The following BRIP1 variants were observed in gnomAD, a reference collection of about 807,000 sequenced individuals.
BRIP1 encodes Fanconi anemia group J protein.
A neutral mutation model predicts 119.7 loss-of-function variants in BRIP1; 88 were observed. The observed-to-expected ratio is 0.74, with a 90% CI of 0.62 to 0.88. The LOEUF is 0.88. Ranked by LOEUF, BRIP1 falls within the 40% of genes least tolerant of loss-of-function variation. The pLI, the probability that BRIP1 is intolerant of heterozygous loss-of-function variation, is 0.00. For synonymous variants in BRIP1, 443 were observed against 496.5 expected (o/e 0.89, Z 1.43); for missense variants, 1,259 against 1,455.4 (o/e 0.87, Z 2.20).
chr17:61,808,857 T>G lies in BRIP1; in HGVS notation c.628-100A>C. 8.3e-7 allele frequency: 1 copy of G among 1,201,084 alleles called. No homozygotes were observed. Among genetic ancestry groups the G allele is most frequent in the South Asian group, 1.3e-5 (1 of 76,038 alleles). The allele number at this position is 1,201,084 out of a possible 1,614,324, so 74.4% of individuals were successfully genotyped here. On this transcript the variant is annotated intron_variant, in intron 6 of 19. Transcript: ENST00000259008. The surrounding 1 kb of genome is among the most constrained non-coding windows in gnomAD (Gnocchi z 4.1). The stretch of plus-strand genomic sequence containing the variant: ...AGAACCTGTAAGTAATGAATCACAA[T>G]GGTCAAATAAAGAGAAATAACAAGA...
intron 3 of BRIP1, among the ~76,000 whole-genome samples, chr17:61,859,279 T>C (rs1381557431): frequency 6.6e-6 from 1 of 152,180 alleles, no homozygotes; most frequent in Admixed American, 6.5e-5. Context: ...TACAGCATCA[T>C]GACAGCCCAT....
rs2061273258 is a variant in BRIP1 at position 61,681,725 on chromosome 17, G to A, written c.*1571C>T. 1.0e-5 allele frequency: 2 copies of A among 197,696 alleles called. No individual in the cohort carries two copies. The highest frequency in any genetic ancestry group is 3.9e-4 in the South Asian group (2 of 5,192). The allele number at this position is 197,696 out of a possible 1,614,324, so 12.2% of individuals were successfully genotyped here. ...TTCTAAATTCTTTAACTGGTAACTTGTCAATTTAAATGTCTTTGAACTACG... is the reference window on the plus strand; with the variant it reads ...TTCTAAATTCTTTAACTGGTAACTTATCAATTTAAATGTCTTTGAACTACG... On this transcript the variant is annotated 3_prime_UTR_variant, in exon 20 of 20. Transcript: ENST00000259008. The surrounding 1 kb of genome is among the most constrained non-coding windows in gnomAD (Gnocchi z 5.1).
At position 61,748,875 on chromosome 17, in the gene BRIP1, T is replaced by C. The variant is rs572893576; in HGVS notation, c.2098-4284A>G. On this transcript the variant is annotated intron_variant, in intron 14 of 19. Transcript: ENST00000259008. The surrounding 1 kb of genome is among the most constrained non-coding windows in gnomAD (Gnocchi z 4.7). ...ACTGTTGGCTGGGCGCAGTGGCTCA[T>C]GCCTGTAATCCCAGCACTTTGGGAG... Among the ~76,000 whole-genome samples, 29 of 152,328 alleles carry C rather than the reference T, an allele frequency of 1.9e-4. No homozygotes were observed. The highest frequency in any genetic ancestry group is 9.1e-4 in the Admixed American group (14 of 15,304).
rs1215027607 is a variant in BRIP1 at position 61,746,958 on chromosome 17, G to C, written c.2098-2367C>G. 6.6e-6 allele frequency among the ~76,000 whole-genome samples: 1 copy of C among 152,080 alleles called. No individual in the cohort carries two copies. Among genetic ancestry groups the C allele is most frequent in the African/African-American group, 2.4e-5 (1 of 41,424 alleles). On this transcript the variant is annotated intron_variant, in intron 14 of 19. Coordinates refer to ENST00000259008, the MANE Select transcript of BRIP1 (RefSeq NM_032043.3). The surrounding 1 kb of genome is among the most constrained non-coding windows in gnomAD (Gnocchi z 4.9). ...GGTAACAAAGCAAGTCTTAACAAAT[G>C]TAAGATAAAAATTAATACCAGGTAT...
rs2077040780 is a variant in BRIP1, at chr17:61,744,952, A to C, written c.2098-361T>G. Reference sequence around the variant, plus strand: ...TACTACTACTACTACTATCTTGGCAATTTCAAAAGCAAAAGCAAAAAACAA... The same window carrying C: ...TACTACTACTACTACTATCTTGGCACTTTCAAAAGCAAAAGCAAAAAACAA... On this transcript the variant is annotated intron_variant, in intron 14 of 19. Transcript: ENST00000259008. This position sits in a 1 kb window ranked among gnomAD's most constrained non-coding sequence, Gnocchi z 5.0. 6.6e-6 allele frequency among the ~76,000 whole-genome samples: 1 copy of C among 151,944 alleles called. No homozygotes were observed. Among genetic ancestry groups the C allele is most frequent in the African/African-American group, 2.4e-5 (1 of 41,386 alleles).
chr17:61,738,125 A>G lies in BRIP1; in HGVS notation c.2379+4888T>C, dbSNP rs2076942483. Among the ~76,000 whole-genome samples, 1 of 152,210 alleles carries G rather than the reference A, an allele frequency of 6.6e-6. No homozygotes were observed. The highest frequency in any genetic ancestry group is 2.1e-4 in the South Asian group (1 of 4,830). ...AGTTGACTTCAACACAGATCAGCCA[A>G]CTAGGGCAGAGTAGCTGAGCCCAGC... On this transcript the variant is annotated intron_variant, in intron 16 of 19. Coordinates refer to ENST00000259008, the MANE Select transcript of BRIP1 (RefSeq NM_032043.3). The surrounding 1 kb of genome is among the most constrained non-coding windows in gnomAD (Gnocchi z 4.2).
In BRIP1 at chr17:61,693,696, C is replaced by T. The variant is rs2061482957; in HGVS notation, c.2493-184G>A. On this transcript the variant is annotated intron_variant, in intron 17 of 19. Coordinates refer to ENST00000259008, the MANE Select transcript of BRIP1 (RefSeq NM_032043.3). The surrounding 1 kb of genome is among the most constrained non-coding windows in gnomAD (Gnocchi z 4.2). ...AACAAACTAGATGTATTAAAAATTC[C>T]CTACTTTTTCCAAATACAGATAACT... Among the ~76,000 whole-genome samples the T allele has an allele frequency of 6.6e-6, 1 of 151,982 alleles. No individual in the cohort carries two copies. Among genetic ancestry groups the T allele is most frequent in the African/African-American group, 2.4e-5 (1 of 41,398 alleles).
At position 61,815,709 on chromosome 17, in the gene BRIP1, C is replaced by A. The variant is rs1345461670; in HGVS notation, c.628-6952G>T. Among the ~76,000 whole-genome samples the A allele has an allele frequency of 6.6e-6, 1 of 152,114 alleles. No individual in the cohort carries two copies. The highest frequency in any genetic ancestry group is 1.5e-5 in the Non-Finnish European group (1 of 67,988). On this transcript the variant is annotated intron_variant, in intron 6 of 19. Coordinates refer to ENST00000259008, the MANE Select transcript of BRIP1 (RefSeq NM_032043.3). The surrounding 1 kb of genome is among the most constrained non-coding windows in gnomAD (Gnocchi z 4.1). ...GAAGTTGAAATTCATAACCTTAAAT[C>A]TTTAAAGTGAAGCTTTAACAGGATT...
rs1435932770 is a variant in BRIP1, at chr17:61,795,633, A to C, written c.1341-1904T>G. ...TACTCCATTGTGTATATGTAACCACATTTTCTTTATCCATTCATCTGTTGA... is the reference window on the plus strand; with the variant it reads ...TACTCCATTGTGTATATGTAACCACCTTTTCTTTATCCATTCATCTGTTGA... On this transcript the variant is annotated intron_variant, in intron 9 of 19. Transcript: ENST00000259008. This position sits in a 1 kb window ranked among gnomAD's most constrained non-coding sequence, Gnocchi z 5.6. Among the ~76,000 whole-genome samples, 1 of 152,072 alleles carries C rather than the reference A, an allele frequency of 6.6e-6. No individual in the cohort carries two copies. Among genetic ancestry groups the C allele is most frequent in the Non-Finnish European group, 1.5e-5 (1 of 67,988 alleles).
At chr17:61,858,333 G>T (rs1453678820) in intron 3 of BRIP1, among the ~76,000 whole-genome samples, 1 of 151,416 alleles carries the variant, frequency 6.6e-6, no homozygotes. Context: ...TAACGTCAGT[G>T]AGAATCAAAA....
Position 61,760,085 on chromosome 17 carries a change from A to G in BRIP1, c.2098-15494T>C, listed in dbSNP as rs2144836483. 6.6e-6 allele frequency among the ~76,000 whole-genome samples: 1 copy of G among 152,168 alleles called. No homozygotes were observed. Among genetic ancestry groups the G allele is most frequent in the South Asian group, 2.1e-4 (1 of 4,832 alleles). ...CAAATTTAAGTTTGTTATCATATCA[A>G]GTATCTTTGCTGGCCACAATGGTAT... On this transcript the variant is annotated intron_variant, in intron 14 of 19. Transcript: ENST00000259008. This position sits in a 1 kb window ranked among gnomAD's most constrained non-coding sequence, Gnocchi z 4.6.
In BRIP1 at chr17:61,793,873, C is replaced by A; in HGVS notation, c.1341-144G>T. 1 of 805,976 alleles carries A rather than the reference C, an allele frequency of 1.2e-6. No individual in the cohort carries two copies. The highest frequency in any genetic ancestry group is 2.8e-5 in the South Asian group (1 of 36,218). The allele number at this position is 805,976 out of a possible 1,614,324, so 49.9% of individuals were successfully genotyped here. A position where few individuals can be genotyped will look rare whatever the true frequency, so the allele number is the denominator to read the frequency against. On this transcript the variant is annotated intron_variant, in intron 9 of 19. Coordinates refer to ENST00000259008, the MANE Select transcript of BRIP1 (RefSeq NM_032043.3). The surrounding 1 kb of genome is among the most constrained non-coding windows in gnomAD (Gnocchi z 5.2). ...ACATGAATGTGGATTAATTAAGACA[C>A]CTTTTAAAAAGCATTCATGTCTCAT...
intron 17 of BRIP1, among the ~76,000 whole-genome samples, chr17:61,698,928 G>A (rs2061569575): frequency 6.6e-6 from 1 of 151,982 alleles, no homozygotes; most frequent in African/African-American, 2.4e-5. Context: ...TGTTACCTAG[G>A]CTAGTCTTGA....
At chr17:61,782,024 T>C (rs1466962042) in intron 11 of BRIP1, among the ~76,000 whole-genome samples, 3 of 151,848 alleles carry the variant, frequency 2.0e-5, no homozygotes, top group Non-Finnish European at 2.9e-5. Context: ...AAAATTAAAG[T>C]TGGGAACTTA....
In BRIP1 at chr17:61,824,144, T is replaced by C. The variant is rs377468529; in HGVS notation, c.628-15387A>G. ...ATAGAATTTTTAAAGCAGCCACAGATTACTCTATAGAAACTATGTAAGACA... is the reference window on the plus strand; with the variant it reads ...ATAGAATTTTTAAAGCAGCCACAGACTACTCTATAGAAACTATGTAAGACA... On this transcript the variant is annotated intron_variant, in intron 6 of 19. Coordinates refer to ENST00000259008, the MANE Select transcript of BRIP1 (RefSeq NM_032043.3). The surrounding 1 kb of genome is among the most constrained non-coding windows in gnomAD (Gnocchi z 4.3). Among the ~76,000 whole-genome samples, 58 of 152,246 alleles carry C rather than the reference T, an allele frequency of 3.8e-4. No homozygotes were observed. Among genetic ancestry groups the C allele is most frequent in the African/African-American group, 1.4e-3 (57 of 41,540 alleles).
Position 61,862,883 on chromosome 17 carries a change from A to G in BRIP1, c.-31+401T>C, listed in dbSNP as rs16945692. On this transcript the variant is annotated intron_variant, in intron 1 of 19. Transcript: ENST00000259008. This position sits in a 1 kb window ranked among gnomAD's most constrained non-coding sequence, Gnocchi z 5.3. ...TCTAACATTTTGCGATTCTATCTGTAAAGCTCTGAGAATGAGGTATGGTGG... is the reference window on the plus strand; with the variant it reads ...TCTAACATTTTGCGATTCTATCTGTGAAGCTCTGAGAATGAGGTATGGTGG... 0.18 allele frequency among the ~76,000 whole-genome samples: 26,680 copies of G among 152,106 alleles called. 2,711 individuals are homozygous for G. The highest frequency in any genetic ancestry group is 0.54 in the East Asian group (2,787 of 5,164).
rs1030612382 is a variant in BRIP1 at position 61,736,669 on chromosome 17, C to G, written c.2379+6344G>C. The stretch of plus-strand genomic sequence containing the variant: ...AAGTCAAATACAATTTTAACAACTT[C>G]TACTAAAACCCCATTCAATCATTAA... On this transcript the variant is annotated intron_variant, in intron 16 of 19. Transcript: ENST00000259008. This position sits in a 1 kb window ranked among gnomAD's most constrained non-coding sequence, Gnocchi z 4.4. Among the ~76,000 whole-genome samples the G allele has an allele frequency of 3.9e-5, 6 of 152,148 alleles. No homozygotes were observed. Among genetic ancestry groups the G allele is most frequent in the African/African-American group, 1.4e-4 (6 of 41,430 alleles).
At chr17:61,714,940 C>A (rs1345692387) in intron 17 of BRIP1, among the ~76,000 whole-genome samples, 2 of 151,544 alleles carry the variant, frequency 1.3e-5, no homozygotes, top group African/African-American at 2.4e-5. Context: ...TAGCTCACAT[C>A]TGTAATCCCA....
chr17:61,723,389 C>T (rs2062014448), intron 16 of BRIP1, among the ~76,000 whole-genome samples: 2 of 152,178 alleles, frequency 1.3e-5, no homozygotes, highest in Admixed American at 6.5e-5. Flanking sequence ...TCAATGTGCA[C>T]CACCAGCAAA....
Sources: allele counts gnomAD v4.1 joint callset (sites outside exome capture counted in the v4.1 genomes callset), GRCh38; gene constraint gnomAD v4.1.1; non-coding constraint Gnocchi (gnomAD v3.1); transcripts MANE v1.5; gene names NCBI Gene and HGNC (gene_info 2026-07-23, HGNC 2026-07-21).